Variants in OTUD7A observed in about 807,000 individuals in gnomAD.
OTUD7A encodes the protein OTU deubiquitinase 7A.
OTUD7A carries 12 observed loss-of-function variants against 65.7 expected under a neutral mutation model. The observed-to-expected ratio is 0.18, with a 90% confidence interval of 0.12 to 0.30. The LOEUF (loss-of-function observed/expected upper bound fraction) is 0.30, where lower values mean the gene tolerates loss of function less well. Among genes scored for constraint, OTUD7A ranks in the 10% least tolerant of loss-of-function variants. The pLI, the probability that OTUD7A is intolerant of heterozygous loss-of-function variation, is 1.00. For synonymous variants in OTUD7A, 641 were observed against 586.3 expected (o/e 1.09, Z -1.35); for missense variants, 1,148 against 1,304.8 (o/e 0.88, Z 1.85).
chr15:31,647,463 T>C (rs935533760), intron 3 of OTUD7A, among the ~76,000 whole-genome samples: 1 of 152,236 alleles, frequency 6.6e-6, no homozygotes, highest in Non-Finnish European at 1.5e-5. Flanking sequence ...CAAGGAATTA[T>C]CAGTGAATCC....
At chr15:31,657,795 T>C (rs12900162) in intron 1 of OTUD7A, among the ~76,000 whole-genome samples, 46,505 of 152,000 alleles carry the variant, frequency 0.31, 8,332 homozygotes, top group African/African-American at 0.49. Context: ...CACCCACTGC[T>C]CCGTGCCATC....
chr15:31,739,676 T>C (rs1052315409), intron 1 of OTUD7A, among the ~76,000 whole-genome samples: 2 of 152,092 alleles, frequency 1.3e-5, no homozygotes, highest in East Asian at 1.9e-4. Flanking sequence ...TACTGCAACC[T>C]CCACCACCCA....
intron 1 of OTUD7A, chr15:31,766,130 T>C (rs1895088343): frequency 6.9e-7 from 1 of 1,447,852 alleles, no homozygotes; most frequent in South Asian, 1.1e-5. Flanking sequence ...AAGAGGGTAC[T>C]TGAAGAATTT....
At chr15:31,806,501 C>G (rs1337586725) in intron 1 of OTUD7A, among the ~76,000 whole-genome samples, 3 of 152,148 alleles carry the variant, frequency 2.0e-5, no homozygotes, top group Non-Finnish European at 4.4e-5. Context: ...TTAAAAAGGC[C>G]TGTTACAATT....
At chr15:31,802,265 T>C (rs1896153462) in intron 1 of OTUD7A, among the ~76,000 whole-genome samples, 1 of 151,964 alleles carries the variant, frequency 6.6e-6, no homozygotes, top group African/African-American at 2.4e-5. Context: ...ACTGAAGAAC[T>C]TGGGAGTCCA....
At chr15:31,548,734 A>T (rs1378946396) in intron 5 of OTUD7A, among the ~76,000 whole-genome samples, 4 of 152,156 alleles carry the variant, frequency 2.6e-5, no homozygotes, top group African/African-American at 4.8e-5. Context: ...ACCCCATCCT[A>T]TCCCAGATGA....
chr15:31,838,751 G>C (rs1480812439), intron 1 of OTUD7A, among the ~76,000 whole-genome samples: 1 of 151,062 alleles, frequency 6.6e-6, no homozygotes, highest in Non-Finnish European at 1.5e-5. Flanking sequence ...ATCTTGAGGG[G>C]CCCCCACTAC....
intron 5 of OTUD7A, among the ~76,000 whole-genome samples, chr15:31,554,313 A>G (rs1385681429): frequency 6.6e-6 from 1 of 152,174 alleles, no homozygotes; most frequent in Non-Finnish European, 1.5e-5. Context: ...AGGTAGCCCC[A>G]GACCTGGATG....
intron 5 of OTUD7A, among the ~76,000 whole-genome samples, chr15:31,538,814 G>A (rs575700672): frequency 6.6e-6 from 1 of 152,170 alleles, no homozygotes; most frequent in Admixed American, 6.5e-5. Context: ...AGAAAAACGA[G>A]TAAAGATCAA....
chr15:31,543,559 T>C (rs559895431), intron 5 of OTUD7A, among the ~76,000 whole-genome samples: 3 of 151,916 alleles, frequency 2.0e-5, no homozygotes, highest in Non-Finnish European at 3.0e-5. Flanking sequence ...AGGTGGCAAA[T>C]GGTACATCAG....
At chr15:31,679,467 G>A (rs1203143641) in intron 1 of OTUD7A, among the ~76,000 whole-genome samples, 4 of 152,186 alleles carry the variant, frequency 2.6e-5, no homozygotes, top group Admixed American at 2.6e-4. Context: ...TGTCAAGGGT[G>A]GGACCAGGTG....
At position 31,682,354 on chromosome 15, in the gene OTUD7A, T is replaced by C. The variant is rs551925072; in HGVS notation, c.-99-25277A>G. ...AAATTCAGTGCAATCCCAGTCAACATTCCAGCAGGTTTCTTTGTAGGCACA... is the reference window on the plus strand; with the variant it reads ...AAATTCAGTGCAATCCCAGTCAACACTCCAGCAGGTTTCTTTGTAGGCACA... On this transcript the variant is annotated intron_variant, in intron 1 of 12. Transcript: ENST00000307050. Among the ~76,000 whole-genome samples, 222 of 152,328 alleles carry C rather than the reference T, an allele frequency of 1.5e-3. 1 individual carries two copies. The highest frequency in any genetic ancestry group is 4.8e-3 in the African/African-American group (200 of 41,566).
chr15:31,699,281 G>A (rs1432002847), intron 1 of OTUD7A, among the ~76,000 whole-genome samples: 2 of 151,994 alleles, frequency 1.3e-5, no homozygotes, highest in African/African-American at 4.8e-5. Flanking sequence ...GGGTTTCACC[G>A]TGTTAGCCAG....
At chr15:31,864,226 C>G (rs546350327) in intron 1 of OTUD7A, among the ~76,000 whole-genome samples, 1 of 152,162 alleles carries the variant, frequency 6.6e-6, no homozygotes, top group Non-Finnish European at 1.5e-5. Context: ...TATTCTGAGC[C>G]CTCCAAACCG....
intron 1 of OTUD7A, among the ~76,000 whole-genome samples, chr15:31,666,005 C>T (rs1156774816): frequency 6.7e-6 from 1 of 150,036 alleles, no homozygotes; most frequent in Non-Finnish European, 1.5e-5. Flanking sequence ...TCGTATGAAA[C>T]CCACTTGATC....
At chr15:31,769,530 A>G (rs1483260343) in intron 1 of OTUD7A, among the ~76,000 whole-genome samples, 1 of 152,236 alleles carries the variant, frequency 6.6e-6, no homozygotes, top group East Asian at 1.9e-4. Context: ...TAGCCACTTT[A>G]TTTGTGATAA....
chr15:31,711,994 C>G (rs1037907400), intron 1 of OTUD7A, among the ~76,000 whole-genome samples: 2 of 150,446 alleles, frequency 1.3e-5, no homozygotes, highest in Non-Finnish European at 3.0e-5. Flanking sequence ...TATGAAAGCT[C>G]AACTATGGCC....
At chr15:31,724,223 G>A (rs1184829987) in intron 1 of OTUD7A, among the ~76,000 whole-genome samples, 1 of 152,166 alleles carries the variant, frequency 6.6e-6, no homozygotes, top group Admixed American at 6.5e-5. Flanking sequence ...TTTCCCTACA[G>A]AAGTTGAAAA....
At chr15:31,690,915 A>G (rs1012553026) in intron 1 of OTUD7A, among the ~76,000 whole-genome samples, 1 of 152,224 alleles carries the variant, frequency 6.6e-6, no homozygotes, top group Non-Finnish European at 1.5e-5. Flanking sequence ...ACAGGCAACA[A>G]AAGGAAAAAT....
Sources: allele counts gnomAD v4.1 joint callset (sites outside exome capture counted in the v4.1 genomes callset), GRCh38; gene constraint gnomAD v4.1.1; transcripts MANE v1.5; gene names NCBI Gene and HGNC (gene_info 2026-07-23, HGNC 2026-07-21).